The following DHRS12 variants were observed in gnomAD, a reference collection of about 807,000 sequenced individuals.
The protein encoded by DHRS12 is dehydrogenase/reductase 12.
In DHRS12, 29 loss-of-function variants were observed where a neutral mutation model predicts 32.1. That is an observed-to-expected ratio of 0.90 (90% confidence interval 0.67 to 1.23). The LOEUF (loss-of-function observed/expected upper bound fraction) is 1.23, where lower values mean the gene tolerates loss of function less well. DHRS12 is among the 50% of genes most tolerant of loss of function. The pLI, the probability that DHRS12 is intolerant of heterozygous loss-of-function variation, is 0.00. For missense variants in DHRS12, 330 were observed against 337.2 expected (o/e 0.98, Z 0.17); for synonymous variants, 150 against 135.9 (o/e 1.10, Z -0.72).
intron 1 of DHRS12, among the ~76,000 whole-genome samples, chr13:51,803,070 A>G (rs1264104539): frequency 1.3e-5 from 2 of 152,234 alleles, no homozygotes. Flanking sequence ...ACTGTGGGAC[A>G]GGGCTCACGA....
At chr13:51,772,980 G>T (rs938186459) in intron 6 of DHRS12, 1 of 985,392 alleles carries the variant, frequency 1.0e-6, no homozygotes, top group African/African-American at 1.7e-5. Flanking sequence ...AAGGCACACA[G>T]CAGCGACAAG....
downstream of DHRS12, chr13:51,767,881 A>T: frequency 1.7e-6 from 1 of 591,376 alleles, no homozygotes; most frequent in Non-Finnish European, 2.2e-6. Flanking sequence ...TGCTGCCCCC[A>T]CCCCTGCGTC....
chr13:51,759,925 C>A, the DHRS12 span: 1 of 710,348 alleles, frequency 1.4e-6, no homozygotes, highest in Non-Finnish European at 2.3e-6. Flanking sequence ...CAGTGGGGAC[C>A]TGGCCAGTGA....
chr13:51,796,182 C>G (rs936548064), intron 2 of DHRS12, among the ~76,000 whole-genome samples: 1 of 152,230 alleles, frequency 6.6e-6, no homozygotes, highest in African/African-American at 2.4e-5. Flanking sequence ...CAACTCCCTC[C>G]TTCATACCAC....
intron 6 of DHRS12, chr13:51,772,927 A>G: frequency 4.1e-6 from 4 of 985,440 alleles, no homozygotes; most frequent in Non-Finnish European, 4.8e-6. Context: ...ATATAAACAG[A>G]AGAAGTGGAG....
chr13:51,762,976 G>T, the DHRS12 span: 2 of 152,148 alleles, frequency 1.3e-5, no homozygotes, highest in Non-Finnish European at 2.9e-5. Flanking sequence ...GGAATCTTAT[G>T]TCATTTTGTA....
In DHRS12 at chr13:51,771,916, A is replaced by G. The variant is rs751657215; in HGVS notation, c.469-5T>C. The G allele has an allele frequency of 6.2e-7, 1 of 1,613,994 alleles. No individual in the cohort carries two copies. The highest frequency in any genetic ancestry group is 1.1e-5 in the South Asian group (1 of 91,080). On this transcript the variant is annotated splice_region_variant and splice_polypyrimidine_tract_variant and intron_variant, in intron 6 of 8. Coordinates refer to ENST00000444610, the MANE Select transcript of DHRS12 (RefSeq NM_001377533.1). ...CGTCAGAACCACTTGCTGCCTCTGG[A>G]CAGGAAGGAGCGAGGGGGTGAACAG...
intron 4 of DHRS12, among the ~76,000 whole-genome samples, chr13:51,784,752 T>G (rs745625448): frequency 7.2e-5 from 11 of 152,220 alleles, no homozygotes; most frequent in Non-Finnish European, 1.5e-4. Context: ...TTGGAAGCAC[T>G]GTTCTCTGTT....
At chr13:51,772,150 T>C (rs1486048823) in intron 6 of DHRS12, among the ~76,000 whole-genome samples, 3 of 151,960 alleles carry the variant, frequency 2.0e-5, no homozygotes, top group African/African-American at 7.3e-5. Flanking sequence ...AGCAAAACAC[T>C]GAGAGAGAAG....
rs1555269630 is a variant in DHRS12, at chr13:51,771,867, C to T, written c.513G>A (p.Pro171=). The T allele has an allele frequency of 1.9e-6, 3 of 1,614,018 alleles. No individual in the cohort carries two copies. Among genetic ancestry groups the T allele is most frequent in the Non-Finnish European group, 1.7e-6 (2 of 1,179,988 alleles). ...GATGCATGGAAGAAAAATGGATGGC[C>T]GGGTGCCCTTGGGCCCACCGCTCCG... ...VLTERWAQGH[P]AIHFSSMHPG... Residue 171 remains proline, a synonymous_variant, in exon 7 of 9, where the codon CCG becomes CCA. Transcript: ENST00000444610.
intron 1 of DHRS12, 132 bp downstream of exon 1, chr13:51,803,922 G>T: frequency 1.2e-6 from 1 of 863,750 alleles, no homozygotes. Flanking sequence ...CGCACCCGTC[G>T]TTCTGGACAC....
chr13:51,769,561 C>G (rs1015439765), intron 7 of DHRS12, among the ~76,000 whole-genome samples: 5 of 152,060 alleles, frequency 3.3e-5, no homozygotes, highest in Non-Finnish European at 5.9e-5. Flanking sequence ...CCAGCCCAGC[C>G]CTGAGAGCAG....
intron 4 of DHRS12, among the ~76,000 whole-genome samples, chr13:51,785,796 CTGA>C (rs766118607): frequency 6.6e-6 from 1 of 152,194 alleles, no homozygotes; most frequent in Non-Finnish European, 1.5e-5. Flanking sequence ...ATAGCAATAG[CTGA>C]TGATACAACC....
chr13:51,768,668 C>A (rs921715585), intron 8 of DHRS12: 4 of 1,131,056 alleles, frequency 3.5e-6, no homozygotes, highest in Non-Finnish European at 4.3e-6. Flanking sequence ...CTGGCTTCCA[C>A]CCGAGGTCAA....
chr13:51,801,948 A>C (rs1593577513), intron 1 of DHRS12, among the ~76,000 whole-genome samples: 1 of 151,820 alleles, frequency 6.6e-6, no homozygotes, highest in South Asian at 2.1e-4. Context: ...TCTTCCTCAA[A>C]CTCCAGACTG....
At chr13:51,772,246 T>C (rs1366397147) in intron 6 of DHRS12, among the ~76,000 whole-genome samples, 1 of 152,150 alleles carries the variant, frequency 6.6e-6, no homozygotes, top group African/African-American at 2.4e-5. Context: ...ACTCTATTCT[T>C]TGCTGCTCAC....
intron 6 of DHRS12, chr13:51,772,994 G>A (rs1954104109): frequency 1.0e-6 from 1 of 985,496 alleles, no homozygotes; most frequent in Non-Finnish European, 1.2e-6. Flanking sequence ...CGACAAGGAA[G>A]GCGGAGGGTG....
At chr13:51,764,995 C>G (rs1021431900), downstream of DHRS12, 1 of 152,264 alleles carries the variant, frequency 6.6e-6, no homozygotes, top group African/African-American at 2.4e-5. Context: ...CTGCTGCCCT[C>G]CACTTCCTGC....
At chr13:51,772,608 T>C (rs1954084082) in intron 6 of DHRS12, 1 of 985,034 alleles carries the variant, frequency 1.0e-6, no homozygotes, top group Non-Finnish European at 1.2e-6. Flanking sequence ...AATTAACTCC[T>C]TCCTTAGGCA....
Sources: gnomAD v4.1 joint callset for allele counts (sites outside exome capture counted in the v4.1 genomes callset) on GRCh38, gnomAD v4.1.1 for gene constraint, MANE v1.5 for transcripts, NCBI Gene and HGNC (gene_info 2026-07-23, HGNC 2026-07-21) for gene names.